THSD7A: variants seen among roughly 807,000 people sequenced by gnomAD.
THSD7A encodes the protein thrombospondin type-1 domain-containing protein 7A.
THSD7A carries 96 observed loss-of-function variants against 231.3 expected under a neutral mutation model. That is an observed-to-expected ratio of 0.41 (90% CI 0.35 to 0.49). THSD7A has a LOEUF of 0.49. Ranked by LOEUF, THSD7A falls within the 20% of genes least tolerant of loss-of-function variation. The pLI is 0.05. For missense variants in THSD7A, 2,290 were observed against 2,070.2 expected, an observed-to-expected ratio of 1.11 and a Z score of -2.06; for synonymous variants, 940 against 743.3, an observed-to-expected ratio of 1.26 and a Z score of -4.30.
intron 1 of THSD7A, among the ~76,000 whole-genome samples, chr7:11,799,491 T>C (rs908773963): frequency 6.6e-6 from 1 of 152,212 alleles, no homozygotes; most frequent in Non-Finnish European, 1.5e-5. Context: ...ATAAACCTAT[T>C]AAATCATGTA....
intron 1 of THSD7A, among the ~76,000 whole-genome samples, chr7:11,723,722 T>C (rs896138479): frequency 6.6e-6 from 1 of 151,810 alleles, no homozygotes; most frequent in Non-Finnish European, 1.5e-5. Flanking sequence ...AGCATTTCAA[T>C]AGAGGAAATA....
intron 1 of THSD7A, among the ~76,000 whole-genome samples, chr7:11,778,650 T>C (rs1783524428): frequency 6.6e-6 from 1 of 152,180 alleles, no homozygotes; most frequent in Admixed American, 6.5e-5. Context: ...TTAAGATTAA[T>C]ATTTACATTC....
intron 2 of THSD7A, among the ~76,000 whole-genome samples, chr7:11,611,057 G>C (rs2128348884): frequency 6.6e-6 from 1 of 152,248 alleles, no homozygotes; most frequent in East Asian, 1.9e-4. Flanking sequence ...ATAAATTAAA[G>C]TATAAATGGG....
chr7:11,744,373 T>A (rs1219421259), intron 1 of THSD7A, among the ~76,000 whole-genome samples: 1 of 151,924 alleles, frequency 6.6e-6, no homozygotes, highest in African/African-American at 2.4e-5. Context: ...TCACTTAAAA[T>A]AAGTAGATTA....
chr7:11,759,473 G>A (rs997437125), intron 1 of THSD7A, among the ~76,000 whole-genome samples: 3 of 152,012 alleles, frequency 2.0e-5, no homozygotes, highest in Non-Finnish European at 4.4e-5. Context: ...ATGTGACAAG[G>A]ACAGAAAGAG....
At chr7:11,428,561 T>C (rs1019777107) in intron 14 of THSD7A, among the ~76,000 whole-genome samples, 1 of 152,344 alleles carries the variant, frequency 6.6e-6, no homozygotes, top group Admixed American at 6.5e-5. Context: ...ATTTCTTTGA[T>C]TTTAATTTAA....
rs535633402 is a variant in THSD7A, at chr7:11,382,193, A to C, written c.4507+328T>G. The stretch of plus-strand genomic sequence containing the variant: ...CAGAAAGTCAAAAAAATTGATTTTT[A>C]AACATATAGTAAGTTACTCATATAT... On this transcript the variant is annotated intron_variant, in intron 24 of 27. Coordinates refer to ENST00000423059, the MANE Select transcript of THSD7A (RefSeq NM_015204.3). Among the ~76,000 whole-genome samples the C allele has an allele frequency of 1.3e-3, 198 of 152,314 alleles. 1 individual carries two copies. The highest frequency in any genetic ancestry group is 0.01 in the Middle Eastern group (3 of 294).
At chr7:11,750,672 T>C (rs940870126) in intron 1 of THSD7A, among the ~76,000 whole-genome samples, 2 of 152,112 alleles carry the variant, frequency 1.3e-5, no homozygotes, top group East Asian at 3.9e-4. Flanking sequence ...GGCCTCAAAC[T>C]TATATGGCCA....
chr7:11,574,688 G>C (rs960525229), intron 4 of THSD7A, among the ~76,000 whole-genome samples: 2 of 151,076 alleles, frequency 1.3e-5, no homozygotes, highest in Non-Finnish European at 2.9e-5. Context: ...CGCCCACCTC[G>C]GCCTCCCAAA....
In THSD7A at chr7:11,406,666, C is replaced by T. The variant is rs771337531; in HGVS notation, c.4063-192G>A. Among the ~76,000 whole-genome samples the T allele has an allele frequency of 1.3e-5, 2 of 152,026 alleles. No individual in the cohort carries two copies. Among genetic ancestry groups the T allele is most frequent in the South Asian group, 2.1e-4 (1 of 4,828 alleles). On this transcript the variant is annotated intron_variant, in intron 21 of 27. Coordinates refer to ENST00000423059, the MANE Select transcript of THSD7A (RefSeq NM_015204.3). This position sits in a 1 kb window ranked among gnomAD's most constrained non-coding sequence, Gnocchi z 4.7. ...GAACAATTTGTTTCCTAGCTAAAGA[C>T]AGGAAAATAAATTTTCATTAAAATG...
chr7:11,680,342 T>C (rs1031894415), intron 1 of THSD7A, among the ~76,000 whole-genome samples: 17 of 152,156 alleles, frequency 1.1e-4, no homozygotes, highest in African/African-American at 4.1e-4. Context: ...AAAGCCAAAA[T>C]TGACAAATGG....
chr7:11,658,978 T>C (rs1423536440), intron 1 of THSD7A, among the ~76,000 whole-genome samples: 1 of 151,716 alleles, frequency 6.6e-6, no homozygotes, highest in African/African-American at 2.4e-5. Flanking sequence ...TATATTTCTT[T>C]GACTCAAACT....
chr7:11,654,835 C>T (rs1029105379), intron 1 of THSD7A, among the ~76,000 whole-genome samples: 2 of 151,836 alleles, frequency 1.3e-5, no homozygotes, highest in African/African-American at 2.4e-5. Context: ...AAATCGAACT[C>T]TGGCATTAAT....
chr7:11,582,693 T>C (rs766714593), intron 4 of THSD7A, among the ~76,000 whole-genome samples: 20 of 152,200 alleles, frequency 1.3e-4, no homozygotes, highest in Non-Finnish European at 2.8e-4. Context: ...ACGTTGCCAG[T>C]TACTTTCCTC....
chr7:11,809,463 C>A (rs1487963764), intron 1 of THSD7A, among the ~76,000 whole-genome samples: 1 of 152,156 alleles, frequency 6.6e-6, no homozygotes, highest in Non-Finnish European at 1.5e-5. Flanking sequence ...TTACTCCTCA[C>A]AAGGACCTTT....
chr7:11,436,423 T>C (rs1490110692), intron 13 of THSD7A, among the ~76,000 whole-genome samples: 3 of 152,088 alleles, frequency 2.0e-5, no homozygotes, highest in African/African-American at 7.2e-5. Context: ...AAAAGCAGTC[T>C]GTGGTAAATT....
intron 23 of THSD7A, among the ~76,000 whole-genome samples, chr7:11,382,963 A>G (rs1782581846): frequency 6.6e-6 from 1 of 151,254 alleles, no homozygotes; most frequent in Admixed American, 6.6e-5. Context: ...CAATTTTAAC[A>G]AATATTATTT....
chr7:11,625,671 C>T (rs1781453630), intron 2 of THSD7A, among the ~76,000 whole-genome samples: 1 of 150,280 alleles, frequency 6.7e-6, no homozygotes. Flanking sequence ...TGTTAGCAGA[C>T]TCTAAAAGAG....
chr7:11,774,233 T>A (rs1220308492), intron 1 of THSD7A, among the ~76,000 whole-genome samples: 1 of 152,196 alleles, frequency 6.6e-6, no homozygotes, highest in African/African-American at 2.4e-5. Context: ...AACAGTCCAG[T>A]TTCCGAAAGA....
Sources: gnomAD v4.1 joint callset for allele counts (sites outside exome capture counted in the v4.1 genomes callset) on GRCh38, gnomAD v4.1.1 for gene constraint, Gnocchi (gnomAD v3.1) non-coding constraint, MANE v1.5 for transcripts, NCBI Gene and HGNC (gene_info 2026-07-23, HGNC 2026-07-21) for gene names.